CEP97: variants seen among roughly 807,000 people sequenced by gnomAD.
The protein encoded by CEP97 is centrosomal protein 97, also known as centrosomal protein of 97 kDa.
A neutral mutation model predicts 73.1 loss-of-function variants in CEP97; 43 were observed. That is an observed-to-expected ratio of 0.59 (90% CI 0.46 to 0.76). The LOEUF is 0.76. Among genes scored for constraint, CEP97 ranks in the 30% least tolerant of loss-of-function variants. The pLI, the probability that CEP97 is intolerant of heterozygous loss-of-function variation, is 0.00. For synonymous variants in CEP97, 337 were observed against 370.0 expected (o/e 0.91, Z 1.02); for missense variants, 939 against 1,014.0 (o/e 0.93, Z 1.00).
At chr3:101,755,698 T>A in intron 7 of CEP97, 104 bp downstream of exon 7, 4 of 1,102,944 alleles carry the variant, frequency 3.6e-6, no homozygotes, top group Non-Finnish European at 5.3e-6. Context: ...CGGCCCACAT[T>A]TCTGGACACT....
chr3:101,740,899 T>G (rs1478501503), intron 6 of CEP97, among the ~76,000 whole-genome samples: 1 of 152,158 alleles, frequency 6.6e-6, no homozygotes, highest in Non-Finnish European at 1.5e-5. Context: ...CCATTGACTT[T>G]CTTCACAGAA....
chr3:101,739,426 A>G (rs1274414256), intron 6 of CEP97, among the ~76,000 whole-genome samples: 1 of 152,214 alleles, frequency 6.6e-6, no homozygotes, highest in Non-Finnish European at 1.5e-5. Flanking sequence ...TCCTCAATAA[A>G]ATACTGGCTA....
intron 9 of CEP97, among the ~76,000 whole-genome samples, chr3:101,761,367 T>C (rs1024468142): frequency 6.6e-5 from 10 of 152,290 alleles, no homozygotes; most frequent in African/African-American, 2.4e-4. Context: ...ACTATGAGAA[T>C]GGGTGACTGA....
intron 4 of CEP97, 149 bp downstream of exon 4, chr3:101,729,086 G>A (rs982017386): frequency 4.3e-5 from 26 of 604,460 alleles, no homozygotes; most frequent in African/African-American, 4.3e-4. Flanking sequence ...GGTCATGCCT[G>A]TAATCCCAGC....
chr3:101,770,212 A>T lies in CEP97; in HGVS notation c.*4661A>T, dbSNP rs1258711994. Reference sequence around the variant, plus strand: ...GCTAATTTTTATATTTTTAGTAGAGATGGGGTTTCACCATGTTGGCCAGGA... The same window carrying T: ...GCTAATTTTTATATTTTTAGTAGAGTTGGGGTTTCACCATGTTGGCCAGGA... On this transcript the variant is annotated 3_prime_UTR_variant, in exon 11 of 11. Coordinates refer to ENST00000341893, the MANE Select transcript of CEP97 (RefSeq NM_024548.4). The T allele has an allele frequency of 1.3e-5, 2 of 152,068 alleles. No individual in the cohort carries two copies. Among genetic ancestry groups the T allele is most frequent in the African/African-American group, 4.8e-5 (2 of 41,396 alleles). 9.4% of individuals were successfully genotyped at this position (152,068 alleles called of 1,614,324 possible). A position where few individuals can be genotyped will look rare whatever the true frequency, so the allele number is the denominator to read the frequency against.
chr3:101,758,148 C>T lies in CEP97; in HGVS notation c.1542C>T (p.Asp514=), dbSNP rs753832020. The change falls in exon 9 of 11, where the codon GAC becomes GAT. Residue 514 remains aspartate, a synonymous_variant. Coordinates refer to ENST00000341893, the MANE Select transcript of CEP97 (RefSeq NM_024548.4). ...AGTCAACTGAGCAGAAACAATCAGA[C>T]ATAAAGAAACCAGAAAATACACAAC... ...FPESTEQKQS[D]IKKPENTQPE... is the part of the protein sequence containing the mutation. 1.9e-6 allele frequency: 3 copies of T among 1,613,912 alleles called. No homozygotes were observed. Among genetic ancestry groups the T allele is most frequent in the Non-Finnish European group, 2.5e-6 (3 of 1,179,984 alleles).
chr3:101,724,728 A>G lies in CEP97; in HGVS notation c.43+9A>G, dbSNP rs1937820254. 2.5e-6 allele frequency: 4 copies of G among 1,614,080 alleles called. No homozygotes were observed. Among genetic ancestry groups the G allele is most frequent in the African/African-American group, 1.3e-5 (1 of 75,064 alleles). On this transcript the variant is annotated intron_variant, in intron 1 of 10. Transcript: ENST00000341893. ...TTTGCCTCCCGGAGAAGGTAAGGCG[A>G]TCCCTACCCCGAGTCCTAAGGTTTA...
chr3:101,763,360 T>C (rs549888273), intron 10 of CEP97, among the ~76,000 whole-genome samples: 8 of 152,120 alleles, frequency 5.3e-5, no homozygotes, highest in Admixed American at 3.3e-4. Context: ...GGTAATGGTA[T>C]TCACCAACAT....
chr3:101,736,918 C>A (rs570562115), intron 6 of CEP97, among the ~76,000 whole-genome samples: 2 of 152,234 alleles, frequency 1.3e-5, no homozygotes, highest in South Asian at 2.1e-4. Context: ...ATATTCTAAC[C>A]CAATGCAAGG....
rs1221227970 is a variant in CEP97 at position 101,767,902 on chromosome 3, T to C, written c.*2351T>C. The C allele has an allele frequency of 6.6e-6, 1 of 152,146 alleles. No individual in the cohort carries two copies. The highest frequency in any genetic ancestry group is 1.5e-5 in the Non-Finnish European group (1 of 68,024). 9.4% of individuals were successfully genotyped at this position (152,146 alleles called of 1,614,324 possible). ...CATAGAGTTAATATATTTTAATGGG[T>C]TTACATTATACTTTAAAAGTAATTT... On this transcript the variant is annotated 3_prime_UTR_variant, in exon 11 of 11. Coordinates refer to ENST00000341893, the MANE Select transcript of CEP97 (RefSeq NM_024548.4).
At chr3:101,740,697 C>T (rs971173455) in intron 6 of CEP97, among the ~76,000 whole-genome samples, 3 of 151,914 alleles carry the variant, frequency 2.0e-5, no homozygotes, top group East Asian at 1.9e-4. Flanking sequence ...TCAAGCGATT[C>T]TCCTGCCTCA....
intron 6 of CEP97, among the ~76,000 whole-genome samples, chr3:101,739,922 C>T (rs888925455): frequency 5.9e-5 from 8 of 136,392 alleles, no homozygotes; most frequent in Non-Finnish European, 9.6e-5. Context: ...AAAAAATCAG[C>T]ACCCCTTCAT....
Position 101,728,837 on chromosome 3 carries a change from C to G in CEP97, c.347C>G (p.Ala116Gly). 6.3e-7 allele frequency: 1 copy of G among 1,586,032 alleles called. No homozygotes were observed. The highest frequency in any genetic ancestry group is 8.7e-7 in the Non-Finnish European group (1 of 1,154,620). Residue 116 changes from alanine to glycine, a missense_variant and splice_region_variant, in exon 4 of 11, where the codon GCC (alanine) becomes GGC (glycine). Coordinates refer to ENST00000341893, the MANE Select transcript of CEP97 (RefSeq NM_024548.4). ...AGTGTGATGCTTTTCTTGTGATAGG[C>G]CATGGAACAGATCAATAGCTGCACA... ...WLNLAGNNLKAMEQINSCTAL... is the reference protein window; with the variant it reads ...WLNLAGNNLKGMEQINSCTAL...
chr3:101,724,818 C>A, intron 1 of CEP97, 99 bp downstream of exon 1: 2 of 1,281,612 alleles, frequency 1.6e-6, no homozygotes, highest in South Asian at 1.2e-5. Context: ...AGTTCTGGAC[C>A]AGTTCTTTTG....
At chr3:101,727,589 T>A (rs1278971748) in intron 3 of CEP97, 48 bp downstream of exon 3, 11 of 1,512,374 alleles carry the variant, frequency 7.3e-6, no homozygotes, top group Non-Finnish European at 9.8e-6. Flanking sequence ...GTAAAAAAAA[T>A]TCAAGCAATG....
intron 6 of CEP97, among the ~76,000 whole-genome samples, chr3:101,733,330 A>G (rs1269381779): frequency 6.6e-6 from 1 of 152,134 alleles, no homozygotes; most frequent in Non-Finnish European, 1.5e-5. Context: ...TCTATCACAT[A>G]TATAAGGGCC....
intron 6 of CEP97, among the ~76,000 whole-genome samples, chr3:101,734,608 G>A (rs1478761988): frequency 6.6e-6 from 1 of 152,156 alleles, no homozygotes; most frequent in African/African-American, 2.4e-5. Flanking sequence ...TGGTGGTGCT[G>A]GTGTAGGGTG....
Position 101,764,876 on chromosome 3 carries a change from A to C in CEP97, c.1923A>C (p.Thr641=). ...GGTCTCTACAGGTTTGGCAACAGAC[A>C]GTGGACCAGCGTCTAAGTTCCTGGC... The part of the protein sequence containing the change: ...QVRSLQVWQQ[T]VDQRLSSWHT... Residue 641 remains threonine, a synonymous_variant, in exon 11 of 11, where the codon ACA becomes ACC. Transcript: ENST00000341893. 1 of 1,612,502 alleles carries C rather than the reference A, an allele frequency of 6.2e-7. No individual in the cohort carries two copies. The highest frequency in any genetic ancestry group is 8.5e-7 in the Non-Finnish European group (1 of 1,179,388).
intron 3 of CEP97, 78 bp from the exon 4 acceptor site, chr3:101,728,758 C>A: frequency 1.1e-6 from 1 of 904,968 alleles, no homozygotes; most frequent in African/African-American, 1.7e-5. Flanking sequence ...GACACTCTTT[C>A]AGCTGCAAAG....
Sources: allele counts gnomAD v4.1 joint callset (sites outside exome capture counted in the v4.1 genomes callset), GRCh38; gene constraint gnomAD v4.1.1; transcripts MANE v1.5; gene names NCBI Gene and HGNC (gene_info 2026-07-23, HGNC 2026-07-21).